ANKH: variants seen among roughly 807,000 people sequenced by gnomAD.
ANKH encodes the protein mineralization regulator ANKH.
Under a neutral mutation model 49.0 loss-of-function variants are expected in ANKH, and 15 were observed. That is an observed-to-expected ratio of 0.31 (90% CI 0.20 to 0.47). The LOEUF is 0.47. Among genes scored for constraint, ANKH ranks in the 20% least tolerant of loss-of-function variants. The pLI, the probability that ANKH is intolerant of heterozygous loss-of-function variation, is 1.00. For missense variants in ANKH, 429 were observed against 652.0 expected (o/e 0.66, Z 3.72); for synonymous variants, 273 against 260.0 (o/e 1.05, Z -0.48).
chr5:14,794,175 A>G (rs1740298076), intron 1 of ANKH, among the ~76,000 whole-genome samples: 1 of 152,248 alleles, frequency 6.6e-6, no homozygotes, highest in East Asian at 1.9e-4. Flanking sequence ...TGGGAAGTGT[A>G]CTGGGAAAGC....
Position 14,758,349 on chromosome 5 carries a change from C to A in ANKH, c.432+131G>T, listed in dbSNP as rs930519715. Reference sequence around the variant, plus strand: ...TGAAGAGTTCTGAAGATTGGTTACACAATAATGTGAATGTACTTCCTGCCA... The same window carrying A: ...TGAAGAGTTCTGAAGATTGGTTACAAAATAATGTGAATGTACTTCCTGCCA... On this transcript the variant is annotated intron_variant, in intron 3 of 11. Transcript: ENST00000284268. The A allele has an allele frequency of 7.2e-5, 54 of 748,116 alleles. 1 individual carries two copies. The highest frequency in any genetic ancestry group is 2.4e-4 in the Middle Eastern group (1 of 4,124). The allele number at this position is 748,116 out of a possible 1,614,324, so 46.3% of individuals were successfully genotyped here. A position where few individuals can be genotyped will look rare whatever the true frequency, so the allele number is the denominator to read the frequency against.
chr5:14,867,088 T>G (rs1735667055), intron 1 of ANKH, among the ~76,000 whole-genome samples: 1 of 139,864 alleles, frequency 7.1e-6, no homozygotes, highest in African/African-American at 2.8e-5. Context: ...GCCTGGGAAA[T>G]GGTGGCTGCA....
intron 2 of ANKH, among the ~76,000 whole-genome samples, chr5:14,765,042 G>T (rs947510892): frequency 2.6e-5 from 4 of 152,232 alleles, no homozygotes; most frequent in Admixed American, 2.6e-4. Context: ...CCAAATGCAA[G>T]GTCAGCACGC....
At chr5:14,850,563 C>G (rs947209952) in intron 1 of ANKH, among the ~76,000 whole-genome samples, 3 of 152,234 alleles carry the variant, frequency 2.0e-5, no homozygotes, top group Non-Finnish European at 2.9e-5. Flanking sequence ...ACCTCAGCCC[C>G]CCTCCGGGGT....
chr5:14,726,826 G>A (rs1737837417), intron 8 of ANKH, among the ~76,000 whole-genome samples: 1 of 152,244 alleles, frequency 6.6e-6, no homozygotes, highest in African/African-American at 2.4e-5. Context: ...CATTTCTGGG[G>A]AACGGTGCTT....
At chr5:14,850,610 C>T (rs1303901974) in intron 1 of ANKH, among the ~76,000 whole-genome samples, 2 of 152,338 alleles carry the variant, frequency 1.3e-5, no homozygotes, top group East Asian at 3.9e-4. Context: ...GCAGTGCCAA[C>T]AGTCCTACTA....
intron 8 of ANKH, among the ~76,000 whole-genome samples, chr5:14,718,833 C>CA (rs892060355): frequency 7.0e-6 from 1 of 143,498 alleles, no homozygotes; most frequent in African/African-American, 2.6e-5. Context: ...AACACCACCC[C>CA]CCCCCCAAAA....
chr5:14,725,947 T>G lies in ANKH; in HGVS notation c.1012-9112A>C, dbSNP rs1737810418. The stretch of plus-strand genomic sequence containing the variant: ...TTTTAGTAGAGATGGGGTTTCACCA[T>G]GCAGAAAAACATTTTTAAATAAAAC... On this transcript the variant is annotated intron_variant, in intron 8 of 11. Transcript: ENST00000284268. This position sits in a 1 kb window ranked among gnomAD's most constrained non-coding sequence, Gnocchi z 4.0. Among the ~76,000 whole-genome samples, 1 of 152,192 alleles carries G rather than the reference T, an allele frequency of 6.6e-6. No homozygotes were observed. The highest frequency in any genetic ancestry group is 2.1e-4 in the South Asian group (1 of 4,834).
intron 1 of ANKH, among the ~76,000 whole-genome samples, chr5:14,866,473 G>T (rs1735649548): frequency 6.6e-6 from 1 of 152,090 alleles, no homozygotes; most frequent in Admixed American, 6.5e-5. Flanking sequence ...TCACTAATTT[G>T]TTCTATGTCA....
chr5:14,810,232 A>T (rs1025553005), intron 1 of ANKH, among the ~76,000 whole-genome samples: 1 of 151,028 alleles, frequency 6.6e-6, no homozygotes, highest in Non-Finnish European at 1.5e-5. Flanking sequence ...ATCTTGGCTC[A>T]CTGCAACCTC....
chr5:14,710,636 G>A lies in ANKH; in HGVS notation c.*561C>T, dbSNP rs116140147. ...GTGAACGGGGACTCCGGGCTGCAGC[G>A]TGCCACCCGCCTCCTGCATGTGTGG... On this transcript the variant is annotated 3_prime_UTR_variant, in exon 12 of 12. Coordinates refer to ENST00000284268, the MANE Select transcript of ANKH (RefSeq NM_054027.6). 0.024 allele frequency: 3,914 copies of A among 162,804 alleles called. 81 individuals carry two copies. Among genetic ancestry groups the A allele is most frequent in the Admixed American group, 0.041 (703 of 17,270 alleles). The allele number at this position is 162,804 out of a possible 1,614,324, so 10.1% of individuals were successfully genotyped here.
chr5:14,791,107 T>C (rs1347922500), intron 1 of ANKH, among the ~76,000 whole-genome samples: 3 of 152,128 alleles, frequency 2.0e-5, no homozygotes, highest in Admixed American at 2.0e-4. Context: ...TTAGTGGCAA[T>C]ATTGGGACTT....
intron 7 of ANKH, among the ~76,000 whole-genome samples, chr5:14,744,371 T>G (rs1218946678): frequency 2.6e-5 from 4 of 152,252 alleles, no homozygotes; most frequent in African/African-American, 9.6e-5. Context: ...AGTACAGGGT[T>G]CTGGGTCTAT....
chr5:14,717,915 C>T (rs569908511), intron 8 of ANKH, among the ~76,000 whole-genome samples: 3 of 152,200 alleles, frequency 2.0e-5, no homozygotes, highest in South Asian at 2.1e-4. Context: ...TTTGGATTTT[C>T]GATTTTTGGA....
At chr5:14,736,526 G>A (rs1009073559) in intron 8 of ANKH, among the ~76,000 whole-genome samples, 3 of 152,158 alleles carry the variant, frequency 2.0e-5, no homozygotes, top group Non-Finnish European at 4.4e-5. Flanking sequence ...GAGGGCCCCA[G>A]GGTCTCTGGG....
At chr5:14,714,490 A>G (rs1232476400) in intron 9 of ANKH, among the ~76,000 whole-genome samples, 1 of 152,224 alleles carries the variant, frequency 6.6e-6, no homozygotes, top group Non-Finnish European at 1.5e-5. Flanking sequence ...GCACCAGGCA[A>G]GGGCTCTTGG....
At chr5:14,775,462 C>T (rs1314194514) in intron 1 of ANKH, among the ~76,000 whole-genome samples, 2 of 152,162 alleles carry the variant, frequency 1.3e-5, no homozygotes, top group Non-Finnish European at 2.9e-5. Flanking sequence ...CAAAATACTG[C>T]ACAATTTTCA....
At chr5:14,793,039 T>TATATATATATAAATATATATATAAAAAA (rs1561057876) in intron 1 of ANKH, among the ~76,000 whole-genome samples, 8 of 52,610 alleles carry the variant, frequency 1.5e-4, no homozygotes, top group African/African-American at 2.3e-4. Context: ...TATATAAAAA[T>TATATATATATAAATATATATATAAAAAA]ATATATATAA....
Position 14,846,851 on chromosome 5 carries a change from A to C in ANKH, c.96+24501T>G, listed in dbSNP as rs188125200. On this transcript the variant is annotated intron_variant, in intron 1 of 11. Transcript: ENST00000284268. ...TACTAAAAACACACACACGCACACAAAAAAAAACTAGCCAGGCATGGTGTT... is the reference window on the plus strand; with the variant it reads ...TACTAAAAACACACACACGCACACACAAAAAAACTAGCCAGGCATGGTGTT... 8.5e-4 allele frequency among the ~76,000 whole-genome samples: 129 copies of C among 151,492 alleles called. 1 individual carries two copies. Among genetic ancestry groups the C allele is most frequent in the Middle Eastern group, 3.4e-3 (1 of 292 alleles).
Sources: allele counts gnomAD v4.1 joint callset (sites outside exome capture counted in the v4.1 genomes callset), GRCh38; gene constraint gnomAD v4.1.1; non-coding constraint Gnocchi (gnomAD v3.1); transcripts MANE v1.5; gene names NCBI Gene and HGNC (gene_info 2026-07-23, HGNC 2026-07-21).